RPL9: variants seen among roughly 807,000 people sequenced by gnomAD.
The protein encoded by RPL9 is ribosomal protein L9.
For synonymous variants in RPL9, 82 were observed against 77.1 expected, an observed-to-expected ratio of 1.06 and a Z score of -0.33; for missense variants, 149 against 236.7, an observed-to-expected ratio of 0.63 and a Z score of 2.43.
chr4:39,454,666 A>G lies in RPL9; in HGVS notation c.473-17T>C. 2.5e-6 allele frequency: 4 copies of G among 1,601,096 alleles called. No individual in the cohort carries two copies. Among genetic ancestry groups the G allele is most frequent in the Non-Finnish European group, 3.4e-6 (4 of 1,171,250 alleles). ...TCAAAGCCGCTATAGGAGTGAAGAT[A>G]AAGCAATTAATACATCAGCCTAACC... On this transcript the variant is annotated splice_polypyrimidine_tract_variant and intron_variant, in intron 6 of 7. Coordinates refer to ENST00000295955, the MANE Select transcript of RPL9 (RefSeq NM_000661.5).
rs779111643 is a variant in RPL9 at position 39,458,324 on chromosome 4, A to G, written c.47-15T>C. 2 of 1,613,938 alleles carry G rather than the reference A, an allele frequency of 1.2e-6. No individual in the cohort carries two copies. The highest frequency in any genetic ancestry group is 3.3e-5 in the Admixed American group (2 of 60,002). On this transcript the variant is annotated splice_polypyrimidine_tract_variant and intron_variant, in intron 2 of 7. Coordinates refer to ENST00000295955, the MANE Select transcript of RPL9 (RefSeq NM_000661.5). The stretch of plus-strand genomic sequence containing the variant: ...AGTAATGTCGACTAGAAGAGAGAAC[A>G]CACTCGTCAGGCCACACAACGCTTG...
intron 1 of RPL9, 199 bp downstream of exon 1, chr4:39,458,692 C>A: frequency 1.6e-6 from 1 of 623,682 alleles, no homozygotes. Flanking sequence ...GCGGTGCCAT[C>A]CCGGCAAGAC....
rs1744196845 is a variant in RPL9, at chr4:39,458,195, CTCT to C, written c.158_160del (p.Lys53del). On this transcript the variant is annotated inframe_deletion and splice_region_variant, in exon 3 of 8. Transcript: ENST00000295955. ...AATTATCAGAAGAAAAACCCTCACC[CTCT>C]TTTTTTTCTTTCCAAGAAGGCTGAG... is the stretch of plus-strand genomic sequence containing the variant. 1 of 1,613,860 alleles carries C rather than the reference CTCT, an allele frequency of 6.2e-7. No individual in the cohort carries two copies. Among genetic ancestry groups the C allele is most frequent in the Non-Finnish European group, 8.5e-7 (1 of 1,179,894 alleles).
intron 1 of RPL9, 46 bp from the exon 2 acceptor site, chr4:39,458,486 T>A: frequency 6.3e-7 from 1 of 1,598,274 alleles, no homozygotes; most frequent in South Asian, 1.1e-5. Flanking sequence ...GGCCCGTTTT[T>A]CCACCAAACT....
chr4:39,454,457 G>T, intron 7 of RPL9, 76 bp downstream of exon 7: 1 of 1,089,044 alleles, frequency 9.2e-7, no homozygotes, highest in African/African-American at 1.6e-5. Flanking sequence ...TACAAATTCA[G>T]TTTAAGTCTT....
intron 5 of RPL9, chr4:39,455,389 C>G (rs1018323469): frequency 6.4e-6 from 1 of 155,700 alleles, no homozygotes. Context: ...CCCTTCTTCC[C>G]ACCCCTCCCC....
intron 3 of RPL9, 113 bp downstream of exon 3, chr4:39,458,081 T>C (rs763230500): frequency 6.7e-6 from 7 of 1,049,366 alleles, no homozygotes; most frequent in Non-Finnish European, 1.0e-5. Context: ...GACAGCAACA[T>C]TTAAAGCTGA....
chr4:39,458,721 C>G, intron 1 of RPL9, 170 bp downstream of exon 1: 1 of 642,630 alleles, frequency 1.6e-6, no homozygotes. Flanking sequence ...GGGAATAGGC[C>G]AAAAAGCCCA....
At chr4:39,457,499 T>G (rs1325822631) in intron 4 of RPL9, 87 bp downstream of exon 4, 2 of 1,126,258 alleles carry the variant, frequency 1.8e-6, no homozygotes, top group Non-Finnish European at 1.3e-6. Flanking sequence ...CATGACCCAT[T>G]CTCTGAAAGA....
At chr4:39,457,368 C>A (rs1156466617) in intron 4 of RPL9, 24 of 334,274 alleles carry the variant, frequency 7.2e-5, no homozygotes, top group South Asian at 1.4e-4. Context: ...AAAAAAAAAA[C>A]CCAACAACAG....
rs1245150450 is a variant in RPL9, at chr4:39,458,328, T to C, written c.47-19A>G. 4.3e-6 allele frequency: 7 copies of C among 1,613,832 alleles called. No homozygotes were observed. Among genetic ancestry groups the C allele is most frequent in the East Asian group, 4.5e-5 (2 of 44,888 alleles). On this transcript the variant is annotated intron_variant, in intron 2 of 7. Transcript: ENST00000295955. ...ATGTCGACTAGAAGAGAGAACACAC[T>C]CGTCAGGCCACACAACGCTTGGAAC...
chr4:39,457,149 C>A, intron 4 of RPL9: 1 of 159,774 alleles, frequency 6.3e-6, no homozygotes, highest in South Asian at 1.7e-4. Flanking sequence ...TGAGATGTGA[C>A]TACCAACTAG....
At chr4:39,457,329 A>G (rs1175933190) in intron 4 of RPL9, 1 of 326,014 alleles carries the variant, frequency 3.1e-6, no homozygotes, top group Non-Finnish European at 5.7e-6. Context: ...AGCCTGGACA[A>G]AATAGCGAGA....
intron 3 of RPL9, 167 bp from the exon 4 acceptor site, chr4:39,457,848 G>A: frequency 1.5e-6 from 1 of 655,380 alleles, no homozygotes; most frequent in Non-Finnish European, 2.6e-6. Flanking sequence ...GTTAAGCTTT[G>A]TAGAAGTTGC....
At chr4:39,456,372 A>C in intron 5 of RPL9, 34 bp downstream of exon 5, 3 of 1,613,478 alleles carry the variant, frequency 1.9e-6, no homozygotes, top group Non-Finnish European at 2.5e-6. Flanking sequence ...ATGAAGGAAA[A>C]ATTTCTTAAT....
At chr4:39,454,983 T>G in intron 5 of RPL9, 39 bp from the exon 6 acceptor site, 1 of 1,563,590 alleles carries the variant, frequency 6.4e-7, no homozygotes, top group Non-Finnish European at 8.7e-7. Flanking sequence ...ATCAAATCTG[T>G]GTAAAAAATA....
At chr4:39,457,346 C>G in intron 4 of RPL9, 1 of 332,616 alleles carries the variant, frequency 3.0e-6, no homozygotes, top group Non-Finnish European at 5.3e-6. Flanking sequence ...GAGACCCCAG[C>G]CTTGATTAAA....
intron 5 of RPL9, 128 bp from the exon 6 acceptor site, chr4:39,455,072 G>T: frequency 7.5e-6 from 7 of 928,232 alleles, no homozygotes; most frequent in East Asian, 2.7e-5. Flanking sequence ...TTTTGAGGCC[G>T]GGCACAGTGG....
In RPL9 at chr4:39,456,344, G is replaced by A. The variant is rs758086032; in HGVS notation, c.391+62C>T. 2.7e-5 allele frequency: 43 copies of A among 1,592,784 alleles called. No individual in the cohort carries two copies. In the Admixed American group the frequency reaches 4.5e-4, roughly 17 times the overall value. On this transcript the variant is annotated intron_variant, in intron 5 of 7. Transcript: ENST00000295955. ...AACTAAAGTATGGAAGTTGGGAGTG[G>A]AAAAGGAGGAAAAAAATATGAAGGA...
Sources: gnomAD v4.1 joint callset for allele counts on GRCh38, gnomAD v4.1.1 for gene constraint, MANE v1.5 for transcripts, NCBI Gene and HGNC (gene_info 2026-07-23, HGNC 2026-07-21) for gene names.